The following ARIH1 variants were observed in gnomAD, a reference collection of about 807,000 sequenced individuals.
ARIH1 encodes the protein ariadne RBR E3 ubiquitin protein ligase 1.
Under a neutral mutation model 85.0 loss-of-function variants are expected in ARIH1, and 8 were observed. That is an observed-to-expected ratio of 0.09 (90% CI 0.06 to 0.17). ARIH1 has a LOEUF of 0.17. Ranked by LOEUF, ARIH1 falls within the 10% of genes least tolerant of loss-of-function variation. The probability of loss-of-function intolerance (pLI) is 1.00; values close to 1 mark genes in which losing one functional copy is unlikely to be tolerated. For synonymous variants in ARIH1, 238 were observed against 253.6 expected (o/e 0.94, Z 0.59); for missense variants, 311 against 718.1 (o/e 0.43, Z 6.48).
chr15:72,480,633 C>G (rs2063812796), intron 1 of ARIH1, among the ~76,000 whole-genome samples: 2 of 151,734 alleles, frequency 1.3e-5, no homozygotes, highest in Admixed American at 1.3e-4. Context: ...GACGCGATCT[C>G]AGCTCACTGC....
Position 72,474,448 on chromosome 15 carries a change from C to T in ARIH1, c.-192C>T. ...CGGCCCCCTCGCTCCCTCCCTCCCTCCTCCGCGCCCTCCCCGCCGCCACCA... is the reference window on the plus strand; with the variant it reads ...CGGCCCCCTCGCTCCCTCCCTCCCTTCTCCGCGCCCTCCCCGCCGCCACCA... On this transcript the variant is annotated 5_prime_UTR_variant, in exon 1 of 14. Transcript: ENST00000379887. The T allele has an allele frequency of 1.4e-6, 1 of 704,250 alleles. No individual in the cohort carries two copies. The highest frequency in any genetic ancestry group is 2.2e-6 in the Non-Finnish European group (1 of 447,114). 43.6% of individuals were successfully genotyped at this position (704,250 alleles called of 1,614,324 possible).
At chr15:72,508,132 C>G (rs527875500) in intron 1 of ARIH1, among the ~76,000 whole-genome samples, 1 of 152,288 alleles carries the variant, frequency 6.6e-6, no homozygotes, top group East Asian at 1.9e-4. Context: ...TCAGGAGATT[C>G]TTATATGTAG....
rs1010922736 is a variant in ARIH1 at position 72,599,895 on chromosome 15, G to A, written c.*16603G>A. The A allele has an allele frequency of 6.6e-6, 1 of 152,164 alleles. No individual in the cohort carries two copies. The highest frequency in any genetic ancestry group is 1.5e-5 in the Non-Finnish European group (1 of 68,032). 9.4% of individuals were successfully genotyped at this position (152,164 alleles called of 1,614,324 possible). A position where few individuals can be genotyped will look rare whatever the true frequency, so the allele number is the denominator to read the frequency against. Reference sequence around the variant, plus strand: ...CTATTGAGTATATCTGTAGCATCAAGAATAGGCATACTGAAAATCCTCCAT... The same window carrying A: ...CTATTGAGTATATCTGTAGCATCAAAAATAGGCATACTGAAAATCCTCCAT... On this transcript the variant is annotated 3_prime_UTR_variant, in exon 14 of 14. Coordinates refer to ENST00000379887, the MANE Select transcript of ARIH1 (RefSeq NM_005744.5).
chr15:72,483,926 C>T (rs2063826515), intron 1 of ARIH1, among the ~76,000 whole-genome samples: 1 of 150,360 alleles, frequency 6.7e-6, no homozygotes, highest in Non-Finnish European at 1.5e-5. Context: ...AATCCCAGCA[C>T]TTTGGGAGGC....
At chr15:72,569,460 A>G (rs540873691) in intron 9 of ARIH1, among the ~76,000 whole-genome samples, 12 of 152,206 alleles carry the variant, frequency 7.9e-5, no homozygotes, top group East Asian at 1.9e-4. Context: ...GAATTTACCA[A>G]TCAAGGTCTG....
intron 1 of ARIH1, among the ~76,000 whole-genome samples, chr15:72,497,132 A>G (rs955318028): frequency 6.6e-6 from 1 of 152,258 alleles, no homozygotes; most frequent in Non-Finnish European, 1.5e-5. Flanking sequence ...AATAGAAGAG[A>G]TAATTAAATG....
At chr15:72,523,530 T>G (rs1394312086) in intron 2 of ARIH1, among the ~76,000 whole-genome samples, 12 of 149,990 alleles carry the variant, frequency 8.0e-5, no homozygotes, top group African/African-American at 2.9e-4. Context: ...TTTTTTTTTT[T>G]GGGTGGGTGG....
chr15:72,520,853 T>C (rs1300690887), intron 2 of ARIH1, among the ~76,000 whole-genome samples: 5 of 152,114 alleles, frequency 3.3e-5, no homozygotes, highest in Non-Finnish European at 7.4e-5. Flanking sequence ...TTTTTTTTCT[T>C]TTCTTTTTGA....
chr15:72,527,668 G>C (rs893111550), intron 2 of ARIH1, among the ~76,000 whole-genome samples: 4 of 152,110 alleles, frequency 2.6e-5, no homozygotes, highest in Non-Finnish European at 5.9e-5. Flanking sequence ...GAGCATCTTT[G>C]GAATTGTACT....
intron 1 of ARIH1, among the ~76,000 whole-genome samples, chr15:72,490,580 T>C (rs925337882): frequency 3.3e-5 from 5 of 152,266 alleles, no homozygotes; most frequent in Middle Eastern, 3.4e-3. Flanking sequence ...AAAAATTGTC[T>C]TCCATGAAAC....
chr15:72,478,166 A>G (rs1385867594), intron 1 of ARIH1, among the ~76,000 whole-genome samples: 1 of 151,888 alleles, frequency 6.6e-6, no homozygotes. Flanking sequence ...CCCAGGTTGG[A>G]GTGCAGTGGC....
chr15:72,480,771 G>C (rs1238526206), intron 1 of ARIH1, among the ~76,000 whole-genome samples: 1 of 152,098 alleles, frequency 6.6e-6, no homozygotes, highest in South Asian at 2.1e-4. Context: ...CTCCATGTTG[G>C]TCAGGCTGGT....
chr15:72,486,603 G>A (rs2063838232), intron 1 of ARIH1, among the ~76,000 whole-genome samples: 2 of 150,694 alleles, frequency 1.3e-5, no homozygotes, highest in South Asian at 4.2e-4. Context: ...TCAGAAGGTG[G>A]CTTAAAAAAT....
rs2063787064 is a variant in ARIH1, at chr15:72,474,820, C to T, written c.181C>T (p.Leu61=). 1 of 1,459,466 alleles carries T rather than the reference C, an allele frequency of 6.9e-7. No homozygotes were observed. The highest frequency in any genetic ancestry group is 1.5e-5 in the African/African-American group (1 of 68,756). 90.4% of individuals were successfully genotyped at this position (1,459,466 alleles called of 1,614,324 possible). A position where few individuals can be genotyped will look rare whatever the true frequency, so the allele number is the denominator to read the frequency against. The change falls in exon 1 of 14, where the codon CTG becomes TTG. Residue 61 remains leucine, a synonymous_variant. Transcript: ENST00000379887. ...GLGVGGERDG[L]LCGETGGGGG... Reference sequence around the variant, plus strand: ...GGGCGTCGGCGGGGAGCGGGACGGACTGCTGTGCGGGGAGACGGGCGGTGG... The same window carrying T: ...GGGCGTCGGCGGGGAGCGGGACGGATTGCTGTGCGGGGAGACGGGCGGTGG...
chr15:72,573,186 CAT>C (rs2064256105), intron 11 of ARIH1, among the ~76,000 whole-genome samples: 1 of 152,162 alleles, frequency 6.6e-6, no homozygotes, highest in East Asian at 1.9e-4. Context: ...ATAAAAATAT[CAT>C]ATATAGAAAT....
chr15:72,558,718 G>C (rs1368426455), intron 5 of ARIH1, among the ~76,000 whole-genome samples: 1 of 152,214 alleles, frequency 6.6e-6, no homozygotes, highest in African/African-American at 2.4e-5. Flanking sequence ...GAAGATGGAT[G>C]CTCACTTTCT....
chr15:72,588,559 C>G lies in ARIH1; in HGVS notation c.*5267C>G, dbSNP rs185947239. On this transcript the variant is annotated 3_prime_UTR_variant, in exon 14 of 14. Transcript: ENST00000379887. Reference sequence around the variant, plus strand: ...TGATCTAGACTGCCTTCTATAGTTGCAAAAAGAGAATATAGGCGAGCAACT... The same window carrying G: ...TGATCTAGACTGCCTTCTATAGTTGGAAAAAGAGAATATAGGCGAGCAACT... 1 of 152,146 alleles carries G rather than the reference C, an allele frequency of 6.6e-6. No individual in the cohort carries two copies. Among genetic ancestry groups the G allele is most frequent in the Admixed American group, 6.5e-5 (1 of 15,276 alleles). The allele number at this position is 152,146 out of a possible 1,614,324, so 9.4% of individuals were successfully genotyped here.
intron 1 of ARIH1, among the ~76,000 whole-genome samples, chr15:72,475,650 T>G (rs193255893): frequency 1.5e-4 from 23 of 152,344 alleles, no homozygotes; most frequent in Admixed American, 6.5e-4. Context: ...TGGGACCTAA[T>G]TGCTACTTTT....
At chr15:72,480,249 C>T (rs530315802) in intron 1 of ARIH1, among the ~76,000 whole-genome samples, 5 of 151,216 alleles carry the variant, frequency 3.3e-5, no homozygotes, top group African/African-American at 1.2e-4. Flanking sequence ...TAGTTAATAT[C>T]TCAGAACCTT....
Sources: gnomAD v4.1 joint callset for allele counts (sites outside exome capture counted in the v4.1 genomes callset) on GRCh38, gnomAD v4.1.1 for gene constraint, MANE v1.5 for transcripts, NCBI Gene and HGNC (gene_info 2026-07-23, HGNC 2026-07-21) for gene names.